The following ORC4 variants were observed in gnomAD, a reference collection of about 807,000 sequenced individuals.
The protein encoded by ORC4 is origin recognition complex, subunit 4 homolog.
A neutral mutation model predicts 63.9 loss-of-function variants in ORC4; 55 were observed. That is an observed-to-expected ratio of 0.86 (90% CI 0.69 to 1.08). ORC4 has a LOEUF of 1.08. ORC4 is among the 50% of genes least tolerant of loss of function. The probability of loss-of-function intolerance (pLI) is 0.00; values close to 1 mark genes in which losing one functional copy is unlikely to be tolerated. For synonymous variants in ORC4, 150 were observed against 168.5 expected (o/e 0.89, Z 0.85); for missense variants, 511 against 504.4 (o/e 1.01, Z -0.13).
intron 1 of ORC4, among the ~76,000 whole-genome samples, chr2:148,008,549 T>C (rs1692759731): frequency 6.6e-6 from 1 of 152,188 alleles, no homozygotes; most frequent in Admixed American, 6.5e-5. Flanking sequence ...CCTTTTTCGA[T>C]TACCTACTCC....
intron 1 of ORC4, among the ~76,000 whole-genome samples, chr2:147,992,072 T>C (rs1017550574): frequency 1.3e-5 from 2 of 152,176 alleles, no homozygotes; most frequent in Non-Finnish European, 2.9e-5. Flanking sequence ...GCTTTGGAAA[T>C]GCATTATATG....
At chr2:148,002,596 G>A (rs1045360362) in intron 1 of ORC4, among the ~76,000 whole-genome samples, 3 of 152,256 alleles carry the variant, frequency 2.0e-5, no homozygotes, top group Admixed American at 1.3e-4. Flanking sequence ...CAGAATCTCT[G>A]AGACACAGCT....
chr2:147,955,121 C>G (rs1689172220), intron 7 of ORC4, among the ~76,000 whole-genome samples: 1 of 151,836 alleles, frequency 6.6e-6, no homozygotes, highest in African/African-American at 2.4e-5. Context: ...CAATAATATA[C>G]TGATATAAAG....
chr2:147,991,093 G>A (rs1691561441), intron 1 of ORC4, among the ~76,000 whole-genome samples: 1 of 148,896 alleles, frequency 6.7e-6, no homozygotes, highest in African/African-American at 2.5e-5. Flanking sequence ...CTGTCGCCTG[G>A]CTGGAGTGCA....
At position 148,010,343 on chromosome 2, in the gene ORC4, A is replaced by G. The variant is rs148244128; in HGVS notation, c.-18+10290T>C. On this transcript the variant is annotated intron_variant, in intron 1 of 13. Transcript: ENST00000392857. The stretch of plus-strand genomic sequence containing the variant: ...AAGAAGAGAAATAATAAAGAAAACA[A>G]GAAAATAAATAATAAAAAACAGAAA... 4.8e-3 allele frequency among the ~76,000 whole-genome samples: 732 copies of G among 152,094 alleles called. 4 individuals are homozygous for G. The highest frequency in any genetic ancestry group is 7.0e-3 in the Non-Finnish European group (475 of 67,980).
Position 147,932,401 on chromosome 2 carries a change from A to G in ORC4, c.*3109T>C, listed in dbSNP as rs1216052039. On this transcript the variant is annotated 3_prime_UTR_variant, in exon 14 of 14. Coordinates refer to ENST00000392857, the MANE Select transcript of ORC4 (RefSeq NM_181741.4). ...CTGCCCAAGGTAATTTACAGATTCA[A>G]TGCCATCCCCATCAAGCTACCAATG... The G allele has an allele frequency of 2.0e-5, 3 of 152,150 alleles. No individual in the cohort carries two copies. The highest frequency in any genetic ancestry group is 7.2e-5 in the African/African-American group (3 of 41,432). 9.4% of individuals were successfully genotyped at this position (152,150 alleles called of 1,614,324 possible).
At position 147,931,941 on chromosome 2, in the gene ORC4, T is replaced by G. The variant is rs1359297024; in HGVS notation, c.*3569A>C. 2.0e-5 allele frequency: 3 copies of G among 151,788 alleles called. No individual in the cohort carries two copies. Among genetic ancestry groups the G allele is most frequent in the African/African-American group, 4.8e-5 (2 of 41,240 alleles). The allele number at this position is 151,788 out of a possible 1,614,324, so 9.4% of individuals were successfully genotyped here. A position where few individuals can be genotyped will look rare whatever the true frequency, so the allele number is the denominator to read the frequency against. On this transcript the variant is annotated 3_prime_UTR_variant, in exon 14 of 14. Coordinates refer to ENST00000392857, the MANE Select transcript of ORC4 (RefSeq NM_181741.4). ...TCACCACTCGTATTCAACATAGTGT[T>G]GGAAGTTCTGGCCAGGGCAATTAGG...
chr2:147,958,513 T>C (rs916582277), intron 5 of ORC4, 130 bp from the exon 6 acceptor site: 2 of 688,968 alleles, frequency 2.9e-6, no homozygotes, highest in Non-Finnish European at 5.1e-6. Context: ...TCTTAAAACT[T>C]AGCAATAAAG....
At chr2:147,950,838 A>G (rs1288168662) in intron 8 of ORC4, among the ~76,000 whole-genome samples, 1 of 152,036 alleles carries the variant, frequency 6.6e-6, no homozygotes, top group East Asian at 1.9e-4. Flanking sequence ...ATATATATAC[A>G]ATAAAAAAGA....
chr2:147,947,985 A>G, intron 9 of ORC4, 66 bp downstream of exon 9: 9 of 1,283,950 alleles, frequency 7.0e-6, no homozygotes, highest in South Asian at 1.2e-5. Flanking sequence ...AATTTCTAAA[A>G]TTTGTGTTTT....
At chr2:147,970,975 TA>T (rs561075688) in intron 4 of ORC4, among the ~76,000 whole-genome samples, 80 of 144,726 alleles carry the variant, frequency 5.5e-4, no homozygotes, top group Admixed American at 1.0e-3. Flanking sequence ...TACACAAAAT[TA>T]AAAAAAAAAA....
chr2:147,967,979 C>A (rs1689995156), intron 4 of ORC4, among the ~76,000 whole-genome samples: 2 of 151,880 alleles, frequency 1.3e-5, no homozygotes, highest in Non-Finnish European at 1.5e-5. Context: ...AATAGAGAAC[C>A]CAGAAATTAA....
At chr2:147,959,615 T>C (rs1689469039) in intron 4 of ORC4, among the ~76,000 whole-genome samples, 2 of 152,134 alleles carry the variant, frequency 1.3e-5, no homozygotes, top group Admixed American at 6.5e-5. Context: ...GTATTTGCAA[T>C]ATGCTACTTA....
chr2:147,980,806 G>C (rs547267713), intron 1 of ORC4, among the ~76,000 whole-genome samples: 1 of 152,248 alleles, frequency 6.6e-6, no homozygotes, highest in East Asian at 1.9e-4. Flanking sequence ...AAACAGTATG[G>C]AGGTTCTTGA....
At chr2:147,988,926 G>C (rs1327585850) in intron 1 of ORC4, among the ~76,000 whole-genome samples, 1 of 152,076 alleles carries the variant, frequency 6.6e-6, no homozygotes, top group Non-Finnish European at 1.5e-5. Flanking sequence ...CAAAAATTAG[G>C]TGTTACCTAT....
intron 1 of ORC4, among the ~76,000 whole-genome samples, chr2:147,985,738 CT>C (rs1175301325): frequency 1.3e-5 from 2 of 152,140 alleles, no homozygotes; most frequent in Admixed American, 1.3e-4. Flanking sequence ...CCTGGATGAA[CT>C]CCTGGTGACA....
chr2:147,965,054 G>T (rs1689821601), intron 4 of ORC4, among the ~76,000 whole-genome samples: 1 of 152,090 alleles, frequency 6.6e-6, no homozygotes, highest in Non-Finnish European at 1.5e-5. Context: ...TATAAGAAAT[G>T]TTCAAGGGAG....
intron 1 of ORC4, 64 bp downstream of exon 1, chr2:148,020,569 C>G (rs527326166): frequency 1.3e-5 from 2 of 152,620 alleles, no homozygotes; most frequent in Admixed American, 6.5e-5. Context: ...CACCGACGCC[C>G]CTGGCCTTCG....
rs77765583 is a variant in ORC4 at position 147,975,141 on chromosome 2, G to T, written c.57+761C>A. On this transcript the variant is annotated intron_variant, in intron 2 of 13. Coordinates refer to ENST00000392857, the MANE Select transcript of ORC4 (RefSeq NM_181741.4). Reference sequence around the variant, plus strand: ...CTTAATTTTTATTTAAAAACTACATGGAGTTCAGGTCAAGCTAGATAAATA... The same window carrying T: ...CTTAATTTTTATTTAAAAACTACATTGAGTTCAGGTCAAGCTAGATAAATA... Among the ~76,000 whole-genome samples, 325 of 152,196 alleles carry T rather than the reference G, an allele frequency of 2.1e-3. 7 individuals carry two copies. The East Asian group carries it at 0.027, about 13-fold the overall frequency.
Sources: allele counts gnomAD v4.1 joint callset (sites outside exome capture counted in the v4.1 genomes callset), GRCh38; gene constraint gnomAD v4.1.1; transcripts MANE v1.5; gene names NCBI Gene and HGNC (gene_info 2026-07-23, HGNC 2026-07-21).